The following VIPR2 variants were observed in gnomAD, a reference collection of about 807,000 sequenced individuals.
VIPR2 encodes the protein vasoactive intestinal peptide receptor 2, also known as vasoactive intestinal polypeptide receptor 2.
In VIPR2, 48 loss-of-function variants were observed where a neutral mutation model predicts 58.0. The ratio of observed to expected loss-of-function variants is 0.83; its 90% CI spans 0.66 to 1.05. The LOEUF (loss-of-function observed/expected upper bound fraction) is 1.05, where lower values mean the gene tolerates loss of function less well. VIPR2 is among the 50% of genes least tolerant of loss of function. VIPR2 has a pLI of 0.00. For missense variants in VIPR2, 534 were observed against 558.0 expected (o/e 0.96, Z 0.43); for synonymous variants, 243 against 235.2 (o/e 1.03, Z -0.30).
chr7:159,036,325 G>A (rs559048455), intron 7 of VIPR2, among the ~76,000 whole-genome samples: 18 of 152,106 alleles, frequency 1.2e-4, no homozygotes, highest in East Asian at 1.9e-4. Flanking sequence ...GACCACCCAC[G>A]GAGCTATCGG....
At chr7:159,139,032 C>T (rs1036301995) in intron 2 of VIPR2, among the ~76,000 whole-genome samples, 2 of 152,094 alleles carry the variant, frequency 1.3e-5, no homozygotes, top group East Asian at 1.9e-4. Flanking sequence ...GTTATGATCA[C>T]GAAAGTCACA....
intron 4 of VIPR2, among the ~76,000 whole-genome samples, chr7:159,066,072 G>A (rs1856064505): frequency 6.6e-6 from 1 of 151,812 alleles, no homozygotes; most frequent in Non-Finnish European, 1.5e-5. Flanking sequence ...CAGCGTCCGC[G>A]GGATTCCAGG....
chr7:159,112,637 A>G (rs1796063303), intron 2 of VIPR2, among the ~76,000 whole-genome samples: 1 of 132,024 alleles, frequency 7.6e-6, no homozygotes, highest in South Asian at 2.7e-4. Context: ...GCTGCAGGGA[A>G]CCGACGGGAC....
intron 2 of VIPR2, among the ~76,000 whole-genome samples, chr7:159,122,437 C>T (rs1479163620): frequency 6.6e-6 from 1 of 152,236 alleles, no homozygotes; most frequent in African/African-American, 2.4e-5. Flanking sequence ...AGCCACTGCT[C>T]TCTTGCTTCT....
rs987938674 is a variant in VIPR2 at position 159,035,659 on chromosome 7, G to A, written c.809+293C>T. 3 of 982,158 alleles carry A rather than the reference G, an allele frequency of 3.1e-6. No homozygotes were observed. In the East Asian group the frequency reaches 3.4e-4, roughly 112 times the overall value. The allele number at this position is 982,158 out of a possible 1,614,324, so 60.8% of individuals were successfully genotyped here. A position where few individuals can be genotyped will look rare whatever the true frequency, so the allele number is the denominator to read the frequency against. On this transcript the variant is annotated intron_variant, in intron 8 of 12. Coordinates refer to ENST00000262178, the MANE Select transcript of VIPR2 (RefSeq NM_003382.5). ...GCAGGGCACTTGGCTTTCTTCTGTG[G>A]ACATCGCTGTGCCCACCGCAGGGGC...
intron 4 of VIPR2, among the ~76,000 whole-genome samples, chr7:159,091,560 G>A (rs545069084): frequency 6.6e-6 from 1 of 152,246 alleles, no homozygotes. Context: ...GCACATGCCT[G>A]CCTCGCAGGG....
At chr7:159,067,768 AC>A (rs1359586949) in intron 4 of VIPR2, among the ~76,000 whole-genome samples, 6 of 152,230 alleles carry the variant, frequency 3.9e-5, no homozygotes, top group Non-Finnish European at 8.8e-5. Context: ...GATTTGAAAG[AC>A]CTTCAAGTTC....
chr7:159,138,327 CAT>C (rs1491554797), intron 2 of VIPR2, among the ~76,000 whole-genome samples: 1 of 152,228 alleles, frequency 6.6e-6, no homozygotes, highest in Non-Finnish European at 1.5e-5. Context: ...CCATATCCCA[CAT>C]GACACAACCG....
In VIPR2 at chr7:159,132,785, C is replaced by T. The variant is rs528561176; in HGVS notation, c.151+9661G>A. Among the ~76,000 whole-genome samples the T allele has an allele frequency of 2.7e-4, 39 of 141,916 alleles. 1 individual carries two copies. The highest frequency in any genetic ancestry group is 3.8e-4 in the African/African-American group (15 of 39,502). The allele number at this position is 141,916 out of a possible 152,430, so 93.1% of individuals were successfully genotyped here. On this transcript the variant is annotated intron_variant, in intron 2 of 12. Coordinates refer to ENST00000262178, the MANE Select transcript of VIPR2 (RefSeq NM_003382.5). ...GACTGATTTCAGACAGAATGATTGG[C>T]ATACAGACTGATTTCAGACAGAATG... is the stretch of plus-strand genomic sequence containing the variant.
chr7:159,125,793 C>T (rs940234572), intron 2 of VIPR2, among the ~76,000 whole-genome samples: 4 of 152,120 alleles, frequency 2.6e-5, no homozygotes, highest in African/African-American at 9.7e-5. Flanking sequence ...ATTTCCCAGC[C>T]ACCCAGCTGA....
intron 4 of VIPR2, among the ~76,000 whole-genome samples, chr7:159,087,532 A>G (rs1193774354): frequency 2.3e-5 from 3 of 131,140 alleles, no homozygotes; most frequent in African/African-American, 8.5e-5. Context: ...AGCTTCCCCA[A>G]CAAACAATAC....
In VIPR2 at chr7:159,029,717, G is replaced by A. The variant is rs1853427436; in HGVS notation, c.*899C>T. On this transcript the variant is annotated 3_prime_UTR_variant, in exon 13 of 13. Coordinates refer to ENST00000262178, the MANE Select transcript of VIPR2 (RefSeq NM_003382.5). Reference sequence around the variant, plus strand: ...GAGGGTCCCACGGAACACCTGTGTGGAGAGGTCCCCTCCTTCATGACCTTG... The same window carrying A: ...GAGGGTCCCACGGAACACCTGTGTGAAGAGGTCCCCTCCTTCATGACCTTG... 1 of 152,284 alleles carries A rather than the reference G, an allele frequency of 6.6e-6. No homozygotes were observed. Among genetic ancestry groups the A allele is most frequent in the African/African-American group, 2.4e-5 (1 of 41,450 alleles). The allele number at this position is 152,284 out of a possible 1,614,324, so 9.4% of individuals were successfully genotyped here. A position where few individuals can be genotyped will look rare whatever the true frequency, so the allele number is the denominator to read the frequency against.
chr7:159,108,443 C>A (rs909727336), intron 3 of VIPR2, among the ~76,000 whole-genome samples: 4 of 152,218 alleles, frequency 2.6e-5, no homozygotes, highest in Non-Finnish European at 5.9e-5. Context: ...CATCTAGCTG[C>A]GACTACTCAA....
chr7:159,136,433 A>C (rs1486957666), intron 2 of VIPR2, among the ~76,000 whole-genome samples: 1 of 152,142 alleles, frequency 6.6e-6, no homozygotes, highest in East Asian at 1.9e-4. Context: ...AAATATTCAA[A>C]CCATAGCAAA....
intron 4 of VIPR2, among the ~76,000 whole-genome samples, chr7:159,065,267 C>T (rs949305608): frequency 4.6e-5 from 7 of 152,176 alleles, no homozygotes; most frequent in Non-Finnish European, 1.5e-5. Flanking sequence ...TTCCCTCTGC[C>T]CGCCCATCTC....
At chr7:159,034,148 G>C in intron 10 of VIPR2, 65 bp downstream of exon 10, 1 of 1,541,894 alleles carries the variant, frequency 6.5e-7, no homozygotes, top group Non-Finnish European at 8.9e-7. Context: ...TCCTGGCAGC[G>C]TGGGGGTCTC....
In VIPR2 at chr7:159,142,481, G is replaced by A. The variant is rs759381001; in HGVS notation, c.116C>T (p.Ala39Val). The change falls in exon 2 of 13, where the codon GCA becomes GTA. Residue 39 changes from alanine (A) to valine (V), a missense_variant. Transcript: ENST00000262178. The part of the protein sequence containing the change: ...LEIQEEETKC[A>V]ELLRSQTEKH... Reference sequence around the variant, plus strand: ...TTCTGTTTGAGACCTCAGAAGCTCTGCACATTTTGTTTCTTCCTCCTGTAT... The same window carrying A: ...TTCTGTTTGAGACCTCAGAAGCTCTACACATTTTGTTTCTTCCTCCTGTAT... 6.2e-7 allele frequency: 1 copy of A among 1,613,912 alleles called. No homozygotes were observed. Among genetic ancestry groups the A allele is most frequent in the South Asian group, 1.1e-5 (1 of 91,050 alleles).
chr7:159,060,521 CCTAA>C (rs556443157), intron 4 of VIPR2, among the ~76,000 whole-genome samples: 140 of 152,074 alleles, frequency 9.2e-4, no homozygotes, highest in African/African-American at 3.1e-3. Context: ...TCTTACCTCA[CCTAA>C]CTGCCACCCT....
chr7:159,101,545 TCC>T, intron 4 of VIPR2, among the ~76,000 whole-genome samples: 3 of 123,944 alleles, frequency 2.4e-5, no homozygotes, highest in African/African-American at 3.3e-5. Flanking sequence ...ACGAGGCGGT[TCC>T]CCTGACTGTT....
Sources: gnomAD v4.1 joint callset for allele counts (sites outside exome capture counted in the v4.1 genomes callset) on GRCh38, gnomAD v4.1.1 for gene constraint, MANE v1.5 for transcripts, NCBI Gene and HGNC (gene_info 2026-07-23, HGNC 2026-07-21) for gene names.